CTNNA3: variants seen among roughly 807,000 people sequenced by gnomAD.
CTNNA3 encodes the protein catenin alpha-3.
Under a neutral mutation model 95.7 loss-of-function variants are expected in CTNNA3, and 76 were observed. The ratio of observed to expected loss-of-function variants is 0.79; its 90% CI spans 0.66 to 0.96. CTNNA3 has a LOEUF of 0.96. Among genes scored for constraint, CTNNA3 ranks in the 40% least tolerant of loss-of-function variants. The probability of loss-of-function intolerance (pLI) is 0.00; values close to 1 mark genes in which losing one functional copy is unlikely to be tolerated. For synonymous variants in CTNNA3, 431 were observed against 374.4 expected, an observed-to-expected ratio of 1.15 and a Z score of -1.74; for missense variants, 1,191 against 1,089.8, an observed-to-expected ratio of 1.09 and a Z score of -1.31.
At chr10:67,725,991 T>A (rs1213844667) in intron 1 of CTNNA3, among the ~76,000 whole-genome samples, 1 of 137,522 alleles carries the variant, frequency 7.3e-6, no homozygotes, top group East Asian at 2.1e-4. Context: ...ATATACTATA[T>A]ATTATATATT....
At chr10:66,346,298 GAGAC>G (rs1449326889) in intron 12 of CTNNA3, among the ~76,000 whole-genome samples, 34 of 147,840 alleles carry the variant, frequency 2.3e-4, no homozygotes, top group Admixed American at 2.0e-3. Context: ...AAGAGAGACA[GAGAC>G]AGAGTCTTGC....
chr10:66,128,268 A>C (rs1050175017), intron 13 of CTNNA3, among the ~76,000 whole-genome samples: 1 of 152,198 alleles, frequency 6.6e-6, no homozygotes, highest in Non-Finnish European at 1.5e-5. Context: ...ATTTAAAAAT[A>C]AATTTGGAAA....
intron 2 of CTNNA3, among the ~76,000 whole-genome samples, chr10:67,637,360 T>A (rs1839354627): frequency 6.6e-6 from 1 of 152,176 alleles, no homozygotes; most frequent in Admixed American, 6.6e-5. Flanking sequence ...AATATCAGAC[T>A]ATGTGAAAAG....
At chr10:65,983,051 T>C (rs1589214539) in intron 16 of CTNNA3, among the ~76,000 whole-genome samples, 1 of 151,646 alleles carries the variant, frequency 6.6e-6, no homozygotes, top group Non-Finnish European at 1.5e-5. Context: ...CATAATGGAG[T>C]GCATTTTGTG....
chr10:66,348,405 C>T (rs12415733), intron 12 of CTNNA3, among the ~76,000 whole-genome samples: 14,688 of 152,004 alleles, frequency 0.097, 1,262 homozygotes, highest in East Asian at 0.25. Context: ...CTGTACAATG[C>T]ATATTATTCC....
chr10:67,364,698 C>A (rs1228812479), intron 5 of CTNNA3, among the ~76,000 whole-genome samples: 1 of 152,114 alleles, frequency 6.6e-6, no homozygotes, highest in Admixed American at 6.5e-5. Flanking sequence ...AGGAGAACTA[C>A]AAACCACTGC....
intron 1 of CTNNA3, among the ~76,000 whole-genome samples, chr10:67,657,359 A>G (rs905551567): frequency 5.3e-5 from 8 of 152,206 alleles, no homozygotes; most frequent in East Asian, 1.9e-4. Context: ...AAATGAAAAT[A>G]TAACTTTTGG....
chr10:66,450,369 A>C (rs930416219), intron 11 of CTNNA3, among the ~76,000 whole-genome samples: 1 of 152,138 alleles, frequency 6.6e-6, no homozygotes, highest in African/African-American at 2.4e-5. Context: ...AATCTAATCT[A>C]TATAAATATC....
chr10:66,513,972 C>T (rs1840751856), intron 11 of CTNNA3, among the ~76,000 whole-genome samples: 3 of 148,104 alleles, frequency 2.0e-5, no homozygotes, highest in Non-Finnish European at 3.0e-5. Context: ...GTAGGCTGTG[C>T]ACCTGTGATG....
At chr10:67,653,742 C>T (rs1291259299) in intron 1 of CTNNA3, among the ~76,000 whole-genome samples, 3 of 152,120 alleles carry the variant, frequency 2.0e-5, no homozygotes, top group Non-Finnish European at 4.4e-5. Context: ...TAAATGGCCA[C>T]TTTCTCTATA....
chr10:66,213,138 TTAAAG>T (rs1472561502), intron 13 of CTNNA3, among the ~76,000 whole-genome samples: 11 of 152,232 alleles, frequency 7.2e-5, no homozygotes, highest in Admixed American at 6.5e-4. Flanking sequence ...AGTTTTACAG[TTAAAG>T]TAGTTTTGCT....
intron 4 of CTNNA3, among the ~76,000 whole-genome samples, chr10:67,525,334 T>C (rs1029320268): frequency 1.3e-5 from 2 of 152,096 alleles, no homozygotes; most frequent in Non-Finnish European, 2.9e-5. Flanking sequence ...GAGTGTGTTT[T>C]CTCATCAAAT....
chr10:66,919,785 T>C (rs1043076309), intron 7 of CTNNA3, among the ~76,000 whole-genome samples: 2 of 152,156 alleles, frequency 1.3e-5, no homozygotes, highest in African/African-American at 4.8e-5. Flanking sequence ...TGGATATAAT[T>C]ACAAATGTAG....
chr10:65,924,974 C>T (rs557541052), intron 17 of CTNNA3, among the ~76,000 whole-genome samples: 1 of 152,264 alleles, frequency 6.6e-6, no homozygotes, highest in African/African-American at 2.4e-5. Flanking sequence ...AAACCTGCCC[C>T]ATGATTCAAT....
chr10:67,212,227 G>A (rs1283055195), intron 6 of CTNNA3, among the ~76,000 whole-genome samples: 1 of 151,886 alleles, frequency 6.6e-6, no homozygotes, highest in Non-Finnish European at 1.5e-5. Context: ...CCCAGCTTCT[G>A]AAAAACAATA....
At chr10:67,184,065 A>C (rs930219218) in intron 6 of CTNNA3, among the ~76,000 whole-genome samples, 1 of 152,232 alleles carries the variant, frequency 6.6e-6, no homozygotes, top group Admixed American at 6.5e-5. Flanking sequence ...AAGAGGAATG[A>C]GCACAAGTAT....
chr10:66,332,250 C>A (rs1488408421), intron 12 of CTNNA3, among the ~76,000 whole-genome samples: 1 of 151,892 alleles, frequency 6.6e-6, no homozygotes, highest in Non-Finnish European at 1.5e-5. Flanking sequence ...CTTCTCCTGC[C>A]TGATTGCCCT....
intron 10 of CTNNA3, among the ~76,000 whole-genome samples, chr10:66,606,930 A>T (rs1342814574): frequency 6.6e-6 from 1 of 152,156 alleles, no homozygotes; most frequent in East Asian, 1.9e-4. Context: ...AATCCAAATT[A>T]GAGCTGAATT....
intron 9 of CTNNA3, among the ~76,000 whole-genome samples, chr10:66,705,940 C>G (rs140736809): frequency 6.6e-6 from 1 of 152,190 alleles, no homozygotes; most frequent in Non-Finnish European, 1.5e-5. Context: ...CAAGTATTTT[C>G]AAGCCAGTCA....
Sources: allele counts gnomAD v4.1 joint callset (sites outside exome capture counted in the v4.1 genomes callset), GRCh38; gene constraint gnomAD v4.1.1; transcripts MANE v1.5; gene names NCBI Gene and HGNC (gene_info 2026-07-23, HGNC 2026-07-21).